Variants in GUCY2F observed in about 807,000 individuals in gnomAD.
GUCY2F encodes the protein guanylate cyclase 2F, retinal.
In GUCY2F, 61 loss-of-function variants were observed where a neutral mutation model predicts 73.1. The observed-to-expected ratio is 0.83, with a 90% CI of 0.68 to 1.03. The LOEUF (loss-of-function observed/expected upper bound fraction) is 1.03. GUCY2F is among the 50% of genes least tolerant of loss of function. The probability of loss-of-function intolerance (pLI) is 0.00; values close to 1 mark genes in which losing one functional copy is unlikely to be tolerated. For synonymous variants in GUCY2F, 331 were observed against 307.8 expected (o/e 1.08, Z -0.79); for missense variants, 912 against 854.3 (o/e 1.07, Z -0.84).
Position 109,465,133 on chromosome X carries a change from T to C in GUCY2F, c.1032+9A>G, listed in dbSNP as rs1229572971. The C allele has an allele frequency of 2.5e-6, 3 of 1,179,339 alleles. No individual in the cohort carries two copies. The South Asian group carries it at 5.4e-5, about 21-fold the overall frequency. On this transcript the variant is annotated intron_variant, in intron 3 of 19. Transcript: ENST00000218006. ...CTCAGCTCATGACAACCTATGAATG[T>C]GTACTTACTTGATCGAACTCCAGCT...
chrX:109,407,858 A>C (rs1000200268), intron 9 of GUCY2F, among the ~76,000 whole-genome samples: 1 of 113,147 alleles, frequency 8.8e-6, no homozygotes, highest in Admixed American at 9.2e-5. Flanking sequence ...GATGTATGGG[A>C]ATGCCTGGAT....
At chrX:109,403,939 C>G (rs1274038919) in intron 10 of GUCY2F, among the ~76,000 whole-genome samples, 1 of 112,161 alleles carries the variant, frequency 8.9e-6, no homozygotes, top group Non-Finnish European at 1.9e-5. Flanking sequence ...TGCTGGTATG[C>G]TCTAGTGACG....
rs773258991 is a variant in GUCY2F at position 109,481,042 on chromosome X, AGAAGGAAGGAAGGAAGGAAGGAAGGAAG to A, written c.-86+796_-86+823del. Among the ~76,000 whole-genome samples, 11 of 40,197 alleles carry A rather than the reference AGAAGGAAGGAAGGAAGGAAGGAAGGAAG, an allele frequency of 2.7e-4. No individual in the cohort carries two copies. In the East Asian group the frequency reaches 3.0e-3, roughly 11 times the overall value. 34.9% of individuals were successfully genotyped at this position (40,197 alleles called of 115,157 possible). A position where few individuals can be genotyped will look rare whatever the true frequency, so the allele number is the denominator to read the frequency against. On this transcript the variant is annotated intron_variant, in intron 1 of 19. Coordinates refer to ENST00000218006, the MANE Select transcript of GUCY2F (RefSeq NM_001522.3). ...GGGGAGGGAGGAATGAAGGGAGAGA[AGAAGGAAGGAAGGAAGGAAGGAAGGAAG>A]GAAGGAAGGAAGGAAGGAAGGAAGG...
In GUCY2F at chrX:109,475,336, T is replaced by G; in HGVS notation, c.601A>C (p.Thr201Pro). Residue 201 changes from threonine to proline, a missense_variant, in exon 2 of 20, where the codon ACA becomes CCA. Physicochemically the swap from Thr to Pro is conservative, Grantham distance 38 (BLOSUM62 -1). Coordinates refer to ENST00000218006, the MANE Select transcript of GUCY2F (RefSeq NM_001522.3). Reference protein sequence around the residue: ...ISSDEDIWVHTANRVASALRS... With the variant: ...ISSDEDIWVHPANRVASALRS... ...AGAGCACTTGCGACTCGATTGGCTG[T>G]ATGCACCCAAATGTCTTCATCTGAG... is the stretch of plus-strand genomic sequence containing the variant. 1 of 1,211,251 alleles carries G rather than the reference T, an allele frequency of 8.3e-7. No homozygotes were observed. The highest frequency in any genetic ancestry group is 1.1e-6 in the Non-Finnish European group (1 of 895,134).
At chrX:109,404,742 C>T (rs1420263830) in intron 9 of GUCY2F, among the ~76,000 whole-genome samples, 1 of 111,914 alleles carries the variant, frequency 8.9e-6, no homozygotes, top group African/African-American at 3.3e-5. Context: ...ATTAACATTT[C>T]AGATACAGAA....
chrX:109,381,978 C>T lies in GUCY2F; in HGVS notation c.3150+140G>A, dbSNP rs1603378555. 1.0e-5 allele frequency: 4 copies of T among 397,805 alleles called. No homozygotes were observed. In the East Asian group the frequency reaches 1.6e-4, roughly 15 times the overall value. The allele number at this position is 397,805 out of a possible 1,213,427, so 32.8% of individuals were successfully genotyped here. A position where few individuals can be genotyped will look rare whatever the true frequency, so the allele number is the denominator to read the frequency against. ...GCAAAATGGAGCAATCTTTTGGGAA[C>T]CCCAAATGGGGCTGAAGATTCTGCC... On this transcript the variant is annotated intron_variant, in intron 17 of 19. Transcript: ENST00000218006.
In GUCY2F at chrX:109,472,864, A is replaced by G. The variant is rs762580643; in HGVS notation, c.730+2343T>C. ...CAAGTGGACAACAAGGGCAAGGTCT[A>G]TCTTACTTTAACACTCACTCCCCTT... On this transcript the variant is annotated intron_variant, in intron 2 of 19. Coordinates refer to ENST00000218006, the MANE Select transcript of GUCY2F (RefSeq NM_001522.3). Among the ~76,000 whole-genome samples, 363 of 111,911 alleles carry G rather than the reference A, an allele frequency of 3.2e-3. 3 individuals are homozygous for G. The highest frequency in any genetic ancestry group is 5.2e-3 in the Non-Finnish European group (278 of 53,094).
chrX:109,428,134 G>A (rs1181023390), intron 8 of GUCY2F, among the ~76,000 whole-genome samples: 1 of 112,216 alleles, frequency 8.9e-6, no homozygotes, highest in Non-Finnish European at 1.9e-5. Context: ...ATCAATGGAT[G>A]TCAAAATTAT....
chrX:109,407,410 T>C (rs1196611984), intron 9 of GUCY2F, among the ~76,000 whole-genome samples: 1 of 113,067 alleles, frequency 8.8e-6, no homozygotes, highest in Admixed American at 9.3e-5. Context: ...AAACAGAGCA[T>C]AACAGTTTAG....
chrX:109,473,234 G>A (rs186281822), intron 2 of GUCY2F, among the ~76,000 whole-genome samples: 1 of 111,533 alleles, frequency 9.0e-6, no homozygotes, highest in Non-Finnish European at 1.9e-5. Context: ...TGCTATTCAA[G>A]GTCTTCGTTT....
chrX:109,453,510 T>C lies in GUCY2F; in HGVS notation c.1382A>G (p.His461Arg). The C allele has an allele frequency of 8.4e-7, 1 of 1,186,447 alleles. No individual in the cohort carries two copies. ...KCWFAEGKICHGGIDPAFAMM... is the reference protein window; with the variant it reads ...KCWFAEGKICRGGIDPAFAMM... ...AGTGATTTTGCATTCCTTACCTCCA[T>C]GGCAGATCTTCCCTTCTGCAAACCA... Residue 461 changes from histidine to arginine, a missense_variant, in exon 4 of 20, where the codon CAT (histidine) becomes CGT (arginine). By Grantham distance (29) the His-to-Arg change is conservative (BLOSUM62 0). Transcript: ENST00000218006.
At chrX:109,440,650 G>T (rs1931846519) in intron 7 of GUCY2F, among the ~76,000 whole-genome samples, 1 of 111,866 alleles carries the variant, frequency 8.9e-6, no homozygotes, top group South Asian at 3.8e-4. Flanking sequence ...GGAACAGAAA[G>T]GCAGTCTAGT....
chrX:109,386,673 A>C lies in GUCY2F; in HGVS notation c.2957-1391T>G, dbSNP rs535345018. ...AGATGGCTGCTGCAGTAATCCAAGC[A>C]CAAAGTACTTAAAAGGAGGCAATGA... On this transcript the variant is annotated intron_variant, in intron 15 of 19. Coordinates refer to ENST00000218006, the MANE Select transcript of GUCY2F (RefSeq NM_001522.3). Among the ~76,000 whole-genome samples, 4 of 111,949 alleles carry C rather than the reference A, an allele frequency of 3.6e-5. No individual in the cohort carries two copies. The South Asian group carries it at 1.5e-3, about 42-fold the overall frequency.
At chrX:109,388,100 G>A (rs1480848373) in intron 15 of GUCY2F, among the ~76,000 whole-genome samples, 1 of 111,214 alleles carries the variant, frequency 9.0e-6, no homozygotes, top group East Asian at 2.8e-4. Context: ...AAAAAGGTGG[G>A]GAGTGGATAC....
intron 2 of GUCY2F, among the ~76,000 whole-genome samples, chrX:109,470,306 T>G (rs887883816): frequency 8.9e-6 from 1 of 112,159 alleles, no homozygotes; most frequent in Non-Finnish European, 1.9e-5. Flanking sequence ...CATTTGCCAT[T>G]CATGAAAGCC....
chrX:109,426,451 T>G (rs760695106), intron 8 of GUCY2F, among the ~76,000 whole-genome samples: 24 of 112,137 alleles, frequency 2.1e-4, no homozygotes, highest in Non-Finnish European at 3.4e-4. Context: ...TGCAGTGGCG[T>G]GATCTCGGCT....
chrX:109,479,059 C>T (rs895202499), intron 1 of GUCY2F, among the ~76,000 whole-genome samples: 12 of 111,278 alleles, frequency 1.1e-4, no homozygotes, highest in Admixed American at 6.7e-4. Context: ...CATTATCCAA[C>T]CAGAAGTAAT....
chrX:109,382,100 A>C lies in GUCY2F; in HGVS notation c.3150+18T>G. On this transcript the variant is annotated intron_variant, in intron 17 of 19. Transcript: ENST00000218006. ...TGTATCCAAGTAGTCTGGCTCAAAA[A>C]ACAAAAAGACATTATACCTTGAGCT... The C allele has an allele frequency of 9.7e-7, 1 of 1,034,677 alleles. No homozygotes were observed. Among genetic ancestry groups the C allele is most frequent in the Non-Finnish European group, 1.4e-6 (1 of 736,313 alleles). The allele number at this position is 1,034,677 out of a possible 1,213,427, so 85.3% of individuals were successfully genotyped here.
At chrX:109,462,531 G>C (rs1196309859) in intron 3 of GUCY2F, among the ~76,000 whole-genome samples, 1 of 112,118 alleles carries the variant, frequency 8.9e-6, no homozygotes, top group Non-Finnish European at 1.9e-5. Flanking sequence ...CTATTTCCTT[G>C]TGTAAAGCAG....
Sources: allele counts gnomAD v4.1 joint callset (sites outside exome capture counted in the v4.1 genomes callset), GRCh38; gene constraint gnomAD v4.1.1; transcripts MANE v1.5; gene names NCBI Gene and HGNC (gene_info 2026-07-23, HGNC 2026-07-21).